GRID2: variants seen among roughly 807,000 people sequenced by gnomAD.
GRID2 encodes glutamate ionotropic receptor delta type subunit 2.
Under a neutral mutation model 114.8 loss-of-function variants are expected in GRID2, and 33 were observed. That is an observed-to-expected ratio of 0.29 (90% confidence interval 0.22 to 0.38). GRID2 has a LOEUF of 0.38. Among genes scored for constraint, GRID2 ranks in the 10% least tolerant of loss-of-function variants. The pLI is 1.00. For missense variants in GRID2, 1,184 were observed against 1,257.7 expected (o/e 0.94, Z 0.89); for synonymous variants, 505 against 449.9 (o/e 1.12, Z -1.55).
Position 93,665,077 on chromosome 4 carries a change from A to T in GRID2, c.2360+38642A>T, listed in dbSNP as rs1402002095. On this transcript the variant is annotated intron_variant, in intron 14 of 15. Coordinates refer to ENST00000282020, the MANE Select transcript of GRID2 (RefSeq NM_001510.4). ...TCTAATTAAACACTTAAGAAAGGGG[A>T]TCCCCATTGCATACCATCCAGTTTC... Among the ~76,000 whole-genome samples the T allele has an allele frequency of 2.0e-5, 3 of 152,118 alleles. No homozygotes were observed. In the East Asian group the frequency reaches 5.8e-4, roughly 29 times the overall value.
At chr4:92,679,333 A>G (rs1448376567) in intron 2 of GRID2, among the ~76,000 whole-genome samples, 8 of 152,012 alleles carry the variant, frequency 5.3e-5, no homozygotes, top group Admixed American at 4.6e-4. Context: ...GCTGTTTCCT[A>G]GAAGTCTATT....
chr4:92,649,778 G>C (rs1731834984), intron 2 of GRID2, among the ~76,000 whole-genome samples: 1 of 151,890 alleles, frequency 6.6e-6, no homozygotes. Context: ...GTAAAATCCT[G>C]GAGTAATTTT....
chr4:92,570,198 C>T (rs1435974954), intron 1 of GRID2, among the ~76,000 whole-genome samples: 2 of 152,136 alleles, frequency 1.3e-5, no homozygotes, highest in East Asian at 3.9e-4. Flanking sequence ...CTCAGAGCAC[C>T]ATTTATTGAA....
At chr4:93,515,031 G>GCCA (rs1192839008) in intron 12 of GRID2, among the ~76,000 whole-genome samples, 185 bp from the exon 13 acceptor site, 1 of 152,036 alleles carries the variant, frequency 6.6e-6, no homozygotes, top group Non-Finnish European at 1.5e-5. Context: ...TTGTATAAAT[G>GCCA]CCATATACCC....
chr4:92,718,754 C>T (rs1354611096), intron 2 of GRID2, among the ~76,000 whole-genome samples: 2 of 131,928 alleles, frequency 1.5e-5, no homozygotes, highest in South Asian at 2.6e-4. Context: ...CAGAGTAAGA[C>T]CCTGTCCAAA....
intron 13 of GRID2, among the ~76,000 whole-genome samples, chr4:93,538,395 A>T (rs928789401): frequency 2.0e-5 from 3 of 151,856 alleles, no homozygotes; most frequent in African/African-American, 7.2e-5. Flanking sequence ...TATGAAAAAA[A>T]TTATTGAATA....
At chr4:92,951,949 G>T (rs1752072844) in intron 2 of GRID2, among the ~76,000 whole-genome samples, 1 of 151,990 alleles carries the variant, frequency 6.6e-6, no homozygotes, top group African/African-American at 2.4e-5. Flanking sequence ...TCTCACCTAA[G>T]TCTTATTGAT....
intron 13 of GRID2, among the ~76,000 whole-genome samples, chr4:93,577,163 G>A (rs1322544925): frequency 1.1e-4 from 16 of 152,096 alleles, no homozygotes; most frequent in East Asian, 1.9e-4. Flanking sequence ...ACACTCAAGC[G>A]TCATACAAAG....
intron 2 of GRID2, among the ~76,000 whole-genome samples, chr4:92,715,180 C>G (rs900907021): frequency 2.0e-5 from 3 of 152,156 alleles, no homozygotes; most frequent in Non-Finnish European, 2.9e-5. Flanking sequence ...ATTTCTAGGA[C>G]AGGGGCAAAA....
chr4:92,935,244 C>T (rs1404832217), intron 2 of GRID2, among the ~76,000 whole-genome samples: 1 of 147,010 alleles, frequency 6.8e-6, no homozygotes, highest in African/African-American at 2.4e-5. Flanking sequence ...AGACACTTCT[C>T]AAAAGAAGAC....
At chr4:92,830,512 A>AT (rs1742031905) in intron 2 of GRID2, among the ~76,000 whole-genome samples, 1 of 152,094 alleles carries the variant, frequency 6.6e-6, no homozygotes, top group African/African-American at 2.4e-5. Flanking sequence ...TATCATGAAT[A>AT]ATTTTCCTTA....
At chr4:92,677,474 T>C (rs746705138) in intron 2 of GRID2, among the ~76,000 whole-genome samples, 4 of 152,166 alleles carry the variant, frequency 2.6e-5, no homozygotes, top group Non-Finnish European at 5.9e-5. Context: ...TATTAATTCT[T>C]ATTACTGGTA....
intron 10 of GRID2, among the ~76,000 whole-genome samples, chr4:93,424,361 G>A (rs939193179): frequency 6.6e-6 from 1 of 151,790 alleles, no homozygotes; most frequent in Non-Finnish European, 1.5e-5. Context: ...TGAAGTGCAG[G>A]GCTACGTAGG....
At chr4:92,939,194 G>A (rs1368251959) in intron 2 of GRID2, among the ~76,000 whole-genome samples, 1 of 147,298 alleles carries the variant, frequency 6.8e-6, no homozygotes, top group Non-Finnish European at 1.5e-5. Flanking sequence ...GTGTAAAAGT[G>A]TTCCTATTTC....
At chr4:92,817,055 G>A (rs1740960505) in intron 2 of GRID2, among the ~76,000 whole-genome samples, 1 of 151,806 alleles carries the variant, frequency 6.6e-6, no homozygotes, top group Admixed American at 6.6e-5. Flanking sequence ...CCTTCACCTA[G>A]TTACACAATT....
At chr4:93,213,211 C>T (rs1161585323) in intron 5 of GRID2, among the ~76,000 whole-genome samples, 2 of 152,172 alleles carry the variant, frequency 1.3e-5, no homozygotes, top group Non-Finnish European at 1.5e-5. Flanking sequence ...TCCTGCTTCT[C>T]TTCCTGTTGG....
chr4:92,954,418 A>ATT (rs1308191360), intron 2 of GRID2, among the ~76,000 whole-genome samples: 1 of 150,092 alleles, frequency 6.7e-6, no homozygotes, highest in Admixed American at 6.7e-5. Flanking sequence ...CTGCAGTTTT[A>ATT]TTTTATTTTA....
intron 10 of GRID2, among the ~76,000 whole-genome samples, chr4:93,429,016 G>C (rs1488937916): frequency 6.6e-6 from 1 of 152,166 alleles, no homozygotes; most frequent in African/African-American, 2.4e-5. Context: ...GATTGTATCT[G>C]CCAGACGTAT....
At chr4:93,656,168 T>C (rs1046603261) in intron 14 of GRID2, among the ~76,000 whole-genome samples, 5 of 151,888 alleles carry the variant, frequency 3.3e-5, no homozygotes, top group Non-Finnish European at 7.4e-5. Context: ...GAGTCAATTA[T>C]TTTTTCTGAG....
Sources: gnomAD v4.1 joint callset for allele counts (sites outside exome capture counted in the v4.1 genomes callset) on GRCh38, gnomAD v4.1.1 for gene constraint, MANE v1.5 for transcripts, NCBI Gene and HGNC (gene_info 2026-07-23, HGNC 2026-07-21) for gene names.